The following STAB2 variants were observed in gnomAD, a reference collection of about 807,000 sequenced individuals.
STAB2 encodes stabilin-2.
A neutral mutation model predicts 338.1 loss-of-function variants in STAB2; 288 were observed. The observed-to-expected ratio is 0.85, with a 90% CI of 0.77 to 0.94. The LOEUF is 0.94. Among genes scored for constraint, STAB2 ranks in the 40% least tolerant of loss-of-function variants. The pLI is 0.00. For missense variants in STAB2, 3,141 were observed against 3,210.1 expected, an observed-to-expected ratio of 0.98 and a Z score of 0.52; for synonymous variants, 1,202 against 1,193.3, an observed-to-expected ratio of 1.01 and a Z score of -0.15.
chr12:103,739,425 G>A lies in STAB2; in HGVS notation c.5711G>A (p.Ser1904Asn). 6.3e-7 allele frequency: 1 copy of A among 1,592,778 alleles called. No individual in the cohort carries two copies. Among genetic ancestry groups the A allele is most frequent in the Non-Finnish European group, 8.5e-7 (1 of 1,169,928 alleles). ...CTTGCATACTAGGGGGAGTGTGGGA[G>A]CTGTGTCAATACTCCCAGCTGCCCA... ...TTFDASGECG[S>N]CVNTPSCPRW... is the part of the protein sequence containing the mutation. The change falls in exon 54 of 69, where the codon AGC becomes AAC. Residue 1904 changes from serine (S) to asparagine (N), a missense_variant. Ser to Asn is a conservative substitution (Grantham distance 46). Transcript: ENST00000388887.
intron 19 of STAB2, among the ~76,000 whole-genome samples, chr12:103,668,292 TA>T (rs1875358327): frequency 6.6e-6 from 1 of 152,160 alleles, no homozygotes; most frequent in Non-Finnish European, 1.5e-5. Flanking sequence ...AATGTCTCTG[TA>T]GGAGATCTTA....
At chr12:103,735,614 G>T in intron 52 of STAB2, 34 bp downstream of exon 52, 1 of 876,098 alleles carries the variant, frequency 1.1e-6, no homozygotes, top group Non-Finnish European at 1.8e-6. Flanking sequence ...GCAGGGAGGG[G>T]TTAACACATT....
At chr12:103,736,004 A>G (rs922946380) in intron 52 of STAB2, among the ~76,000 whole-genome samples, 3 of 152,186 alleles carry the variant, frequency 2.0e-5, no homozygotes, top group Non-Finnish European at 4.4e-5. Context: ...TACCTAGATC[A>G]GCCAACTGAG....
chr12:103,752,463 T>C (rs1342844680), intron 60 of STAB2, among the ~76,000 whole-genome samples: 1 of 152,248 alleles, frequency 6.6e-6, no homozygotes, highest in Non-Finnish European at 1.5e-5. Context: ...AATATAAAAA[T>C]GTGACTTGCT....
chr12:103,734,225 G>A (rs2139091293), intron 51 of STAB2, among the ~76,000 whole-genome samples: 1 of 148,012 alleles, frequency 6.8e-6, no homozygotes, highest in Middle Eastern at 4.0e-3. Flanking sequence ...CGATCACATA[G>A]GAGCAAACAT....
At chr12:103,673,845 C>G (rs1876067764) in intron 22 of STAB2, 62 bp from the exon 23 acceptor site, 4 of 1,549,668 alleles carry the variant, frequency 2.6e-6, no homozygotes, top group African/African-American at 1.4e-5. Context: ...CCAGGGTGCT[C>G]TGCCTCAGTG....
chr12:103,697,438 T>G (rs1479838709), intron 33 of STAB2, among the ~76,000 whole-genome samples: 2 of 152,230 alleles, frequency 1.3e-5, no homozygotes, highest in Non-Finnish European at 2.9e-5. Context: ...GAATGAAACT[T>G]CAGACAGTCC....
rs17034232 is a variant in STAB2 at position 103,620,324 on chromosome 12, G to T, written c.332-144G>T. The T allele has an allele frequency of 1.2e-4, 20 of 165,298 alleles. No individual in the cohort carries two copies. The highest frequency in any genetic ancestry group is 5.7e-5 in the East Asian group (1 of 17,436). The allele number at this position is 165,298 out of a possible 1,614,324, so 10.2% of individuals were successfully genotyped here. A position where few individuals can be genotyped will look rare whatever the true frequency, so the allele number is the denominator to read the frequency against. On this transcript the variant is annotated intron_variant, in intron 3 of 68. Transcript: ENST00000388887. The stretch of plus-strand genomic sequence containing the variant: ...ACCTGTGTTTACTCCTGCCTTTTCT[G>T]TAAAACCCTAGATGACACCAACAGG...
At chr12:103,730,091 CTTTT>C in intron 48 of STAB2, 21 bp from the exon 49 acceptor site, 1 of 1,558,154 alleles carries the variant, frequency 6.4e-7, no homozygotes, top group Non-Finnish European at 8.7e-7. Context: ...GCACTCATTT[CTTTT>C]TTGTTTTTGG....
chr12:103,609,489 G>A (rs1170124632), intron 3 of STAB2, among the ~76,000 whole-genome samples: 1 of 152,144 alleles, frequency 6.6e-6, no homozygotes. Flanking sequence ...CTCTCTGTTT[G>A]TCTGTTATTG....
chr12:103,685,421 GCT>G (rs1877305806), intron 27 of STAB2, among the ~76,000 whole-genome samples: 2 of 119,430 alleles, frequency 1.7e-5, no homozygotes, highest in Middle Eastern at 3.9e-3. Context: ...GCTTACCCAT[GCT>G]GTGTGTGTGT....
chr12:103,705,131 G>GTT, intron 36 of STAB2: 1 of 156,704 alleles, frequency 6.4e-6, no homozygotes, highest in South Asian at 1.9e-4. Context: ...CAGCATAATA[G>GTT]TTTTTACTAA....
intron 17 of STAB2, among the ~76,000 whole-genome samples, chr12:103,661,593 G>A (rs527296398): frequency 1.3e-5 from 2 of 152,206 alleles, no homozygotes; most frequent in South Asian, 2.1e-4. Context: ...GTGCTAAGGA[G>A]AAAAACAGCA....
Position 103,660,737 on chromosome 12 carries a change from C to T in STAB2, c.1843C>T (p.Leu615Phe). ...TCACATCAGGAGCATGGCCAACCAG[C>T]TCATACAGTTCAACACCACCGACAA... is the stretch of plus-strand genomic sequence containing the variant. ...TPHIRSMANQ[L>F]IQFNTTDNGQ... is the part of the protein sequence containing the mutation. The change falls in exon 17 of 69, where the codon CTC becomes TTC. Residue 615 changes from leucine to phenylalanine, a missense_variant. Transcript: ENST00000388887. 6.2e-7 allele frequency: 1 copy of T among 1,614,064 alleles called. No individual in the cohort carries two copies. The highest frequency in any genetic ancestry group is 2.2e-5 in the East Asian group (1 of 44,882).
chr12:103,745,309 C>T, intron 57 of STAB2, 32 bp downstream of exon 57: 1 of 1,597,036 alleles, frequency 6.3e-7, no homozygotes, highest in South Asian at 1.1e-5. Context: ...CTGCTGGCAG[C>T]CCAGGGCTGC....
intron 3 of STAB2, among the ~76,000 whole-genome samples, chr12:103,601,816 G>A (rs1348637894): frequency 2.0e-5 from 3 of 152,264 alleles, no homozygotes; most frequent in East Asian, 3.9e-4. Flanking sequence ...TCTAGTGTCT[G>A]AATTTGTTTT....
At chr12:103,713,602 G>T in intron 41 of STAB2, 41 bp from the exon 42 acceptor site, 1 of 1,608,066 alleles carries the variant, frequency 6.2e-7, no homozygotes, top group Non-Finnish European at 8.5e-7. Flanking sequence ...AATGGCTTTT[G>T]CCCTTCCCTC....
At chr12:103,716,375 A>G (rs1880313835) in intron 43 of STAB2, among the ~76,000 whole-genome samples, 1 of 152,184 alleles carries the variant, frequency 6.6e-6, no homozygotes, top group Non-Finnish European at 1.5e-5. Context: ...ACCGCATCAG[A>G]GAATGGGGGT....
intron 22 of STAB2, among the ~76,000 whole-genome samples, 180 bp downstream of exon 22, chr12:103,670,987 G>A (rs1230067565): frequency 6.6e-6 from 1 of 152,154 alleles, no homozygotes; most frequent in African/African-American, 2.4e-5. Context: ...GCTGATCCCT[G>A]AGCCCCACCT....
Sources: allele counts gnomAD v4.1 joint callset (sites outside exome capture counted in the v4.1 genomes callset), GRCh38; gene constraint gnomAD v4.1.1; transcripts MANE v1.5; gene names NCBI Gene and HGNC (gene_info 2026-07-23, HGNC 2026-07-21).